ZNF862: variants seen among roughly 807,000 people sequenced by gnomAD.
The protein encoded by ZNF862 is zinc finger protein 862.
A neutral mutation model predicts 91.1 loss-of-function variants in ZNF862; 64 were observed. The ratio of observed to expected loss-of-function variants is 0.70; its 90% CI spans 0.57 to 0.87. ZNF862 has a LOEUF of 0.87. ZNF862 is among the 40% of genes least tolerant of loss of function. ZNF862 has a pLI of 0.00. For synonymous variants in ZNF862, 631 were observed against 618.1 expected, an observed-to-expected ratio of 1.02 and a Z score of -0.31; for missense variants, 1,459 against 1,528.0, an observed-to-expected ratio of 0.95 and a Z score of 0.75.
chr7:149,840,426 G>A (rs971347310), intron 1 of ZNF862, among the ~76,000 whole-genome samples: 1 of 152,156 alleles, frequency 6.6e-6, no homozygotes, highest in East Asian at 1.9e-4. Context: ...AATAAGCTAG[G>A]GTTAATTTAT....
At chr7:149,843,260 T>C (rs561637247) in intron 1 of ZNF862, among the ~76,000 whole-genome samples, 4 of 152,362 alleles carry the variant, frequency 2.6e-5, no homozygotes, top group African/African-American at 9.6e-5. Context: ...AAAATCGATA[T>C]TCCACCTATT....
Position 149,846,211 on chromosome 7 carries a change from T to C in ZNF862, c.197T>C (p.Leu66Pro), listed in dbSNP as rs1801866421. 6.2e-7 allele frequency: 1 copy of C among 1,613,674 alleles called. No individual in the cohort carries two copies. The highest frequency in any genetic ancestry group is 1.7e-5 in the Admixed American group (1 of 59,990). ...TTCGGACGAGGGCCAGAGCCATGGC[T>C]TGGCAGCGTCCAGGGCCAGAGGAGC... ...RKFGRGPEPW[L>P]GSVQGQRSLL... Residue 66 changes from leucine to proline, a missense_variant, in exon 3 of 8, where the codon CTT (leucine) becomes CCT (proline). Transcript: ENST00000223210.
At position 149,844,748 on chromosome 7, in the gene ZNF862, C is replaced by T. The variant is rs933275163; in HGVS notation, c.136+12C>T. On this transcript the variant is annotated intron_variant, in intron 2 of 7. Coordinates refer to ENST00000223210, the MANE Select transcript of ZNF862 (RefSeq NM_001099220.3). Reference sequence around the variant, plus strand: ...GGTGGCACCACTGGGTATGGGTGCCCATCCACATCCCTGCCACTGTCAATT... The same window carrying T: ...GGTGGCACCACTGGGTATGGGTGCCTATCCACATCCCTGCCACTGTCAATT... 6.7e-7 allele frequency: 1 copy of T among 1,502,912 alleles called. No homozygotes were observed. The highest frequency in any genetic ancestry group is 9.1e-7 in the Non-Finnish European group (1 of 1,097,292). The allele number at this position is 1,502,912 out of a possible 1,614,324, so 93.1% of individuals were successfully genotyped here. A position where few individuals can be genotyped will look rare whatever the true frequency, so the allele number is the denominator to read the frequency against.
In ZNF862 at chr7:149,862,550, A is replaced by G. The variant is rs571701051; in HGVS notation, c.3334+56A>G. The stretch of plus-strand genomic sequence containing the variant: ...CAGCCTCATGCTGAGCCAGAGGCCA[A>G]TAAGACAGGACTGCAGGTGCCTGTG... On this transcript the variant is annotated intron_variant, in intron 7 of 7. Coordinates refer to ENST00000223210, the MANE Select transcript of ZNF862 (RefSeq NM_001099220.3). 40 of 1,504,426 alleles carry G rather than the reference A, an allele frequency of 2.7e-5. No individual in the cohort carries two copies. In the East Asian group the frequency reaches 8.2e-4, roughly 31 times the overall value. The allele number at this position is 1,504,426 out of a possible 1,614,324, so 93.2% of individuals were successfully genotyped here. A position where few individuals can be genotyped will look rare whatever the true frequency, so the allele number is the denominator to read the frequency against.
At chr7:149,858,173 C>A (rs1031192264) in intron 5 of ZNF862, among the ~76,000 whole-genome samples, 8 of 152,162 alleles carry the variant, frequency 5.3e-5, no homozygotes, top group African/African-American at 1.9e-4. Flanking sequence ...TTCTGGGATT[C>A]TCTGGTACCA....
chr7:149,846,940 T>TA (rs1354229045), intron 3 of ZNF862, among the ~76,000 whole-genome samples: 1 of 152,254 alleles, frequency 6.6e-6, no homozygotes, highest in Non-Finnish European at 1.5e-5. Context: ...TGACTCTTAC[T>TA]AACAGCTTCA....
intron 5 of ZNF862, among the ~76,000 whole-genome samples, chr7:149,853,795 G>T (rs1262259588): frequency 6.6e-6 from 1 of 151,954 alleles, no homozygotes; most frequent in Non-Finnish European, 1.5e-5. Context: ...AAAATTAGCC[G>T]AGCGTAGTGG....
At position 149,862,233 on chromosome 7, in the gene ZNF862, C is replaced by G. The variant is rs763330572; in HGVS notation, c.3073C>G (p.Leu1025Val). The change falls in exon 7 of 8, where the codon CTC becomes GTC. Residue 1025 changes from leucine (L) to valine (V), a missense_variant. Coordinates refer to ENST00000223210, the MANE Select transcript of ZNF862 (RefSeq NM_001099220.3). ...CTGCCGCTTCCCCCTGCTAAGCAAG[C>G]TCATGGCCGTGGTGGTCTGTGTGCC... The part of the protein sequence containing the change: ...QHCRFPLLSK[L>V]MAVVVCVPIS... 5.3e-5 allele frequency: 86 copies of G among 1,613,802 alleles called. No homozygotes were observed. The highest frequency in any genetic ancestry group is 7.1e-5 in the Non-Finnish European group (84 of 1,179,896).
At chr7:149,840,680 A>G (rs576607461) in intron 1 of ZNF862, among the ~76,000 whole-genome samples, 3 of 141,374 alleles carry the variant, frequency 2.1e-5, no homozygotes, top group South Asian at 2.2e-4. Flanking sequence ...TACCTTTTCT[A>G]TGTTTAGATA....
At chr7:149,842,779 A>G (rs1314195585) in intron 1 of ZNF862, among the ~76,000 whole-genome samples, 1 of 152,214 alleles carries the variant, frequency 6.6e-6, no homozygotes, top group Non-Finnish European at 1.5e-5. Context: ...GTCATCCTGA[A>G]TCTGCCTTCA....
At position 149,838,386 on chromosome 7, in the gene ZNF862, A is replaced by G; in HGVS notation, c.-226A>G. Reference sequence around the variant, plus strand: ...GCCTGGGGCTGGGCAGTGACCGTAAAGCTGTTCGCTCGGTGCGACGCAAGT... The same window carrying G: ...GCCTGGGGCTGGGCAGTGACCGTAAGGCTGTTCGCTCGGTGCGACGCAAGT... On this transcript the variant is annotated 5_prime_UTR_variant, in exon 1 of 8. Coordinates refer to ENST00000223210, the MANE Select transcript of ZNF862 (RefSeq NM_001099220.3). 1 of 395,068 alleles carries G rather than the reference A, an allele frequency of 2.5e-6. No homozygotes were observed. The highest frequency in any genetic ancestry group is 4.5e-6 in the Non-Finnish European group (1 of 224,322). The allele number at this position is 395,068 out of a possible 1,614,324, so 24.5% of individuals were successfully genotyped here.
chr7:149,843,703 G>A (rs1388334041), intron 1 of ZNF862, among the ~76,000 whole-genome samples: 1 of 152,182 alleles, frequency 6.6e-6, no homozygotes, highest in Non-Finnish European at 1.5e-5. Flanking sequence ...GAGGGAGGAC[G>A]GGCTTATCAG....
chr7:149,853,639 T>G (rs1802148669), intron 5 of ZNF862, among the ~76,000 whole-genome samples: 1 of 152,148 alleles, frequency 6.6e-6, no homozygotes, highest in Admixed American at 6.5e-5. Context: ...TTTTCAATTA[T>G]TCTTTAAAAA....
In ZNF862 at chr7:149,864,124, A is replaced by G. The variant is rs1354917361; in HGVS notation, c.3350A>G (p.Lys1117Arg). ...TCCCTCACAGGCGCCAGGCTCAGGA[A>G]GGAGGAGATGGGAGCCCTCTATGTG... ...ARSPASARLR[K>R]EEMGALYVEE... is the part of the protein sequence containing the mutation. The change falls in exon 8 of 8, where the codon AAG becomes AGG. Residue 1117 changes from lysine to arginine, a missense_variant. Lys to Arg is a conservative substitution (Grantham distance 26). Transcript: ENST00000223210. 2 of 1,585,534 alleles carry G rather than the reference A, an allele frequency of 1.3e-6. No individual in the cohort carries two copies. The highest frequency in any genetic ancestry group is 2.3e-5 in the East Asian group (1 of 43,466).
At chr7:149,838,735 G>A in intron 1 of ZNF862, 100 bp downstream of exon 1, 2 of 788,844 alleles carry the variant, frequency 2.5e-6, no homozygotes, top group Non-Finnish European at 1.7e-6. Flanking sequence ...CCGCAGATGA[G>A]CCAGGCTTGC....
At position 149,864,202 on chromosome 7, in the gene ZNF862, A is replaced by G; in HGVS notation, c.3428A>G (p.Glu1143Gly). The G allele has an allele frequency of 6.3e-7, 1 of 1,598,664 alleles. No homozygotes were observed. Among genetic ancestry groups the G allele is most frequent in the Non-Finnish European group, 8.5e-7 (1 of 1,173,028 alleles). ...ATCCTGCCCTCCAGGGAAGCAGCGGAGGTTCTGAAGGACTGCATCATGGAG... is the reference window on the plus strand; with the variant it reads ...ATCCTGCCCTCCAGGGAAGCAGCGGGGGTTCTGAAGGACTGCATCATGGAG... Reference protein sequence around the residue: ...PPILPSREAAEVLKDCIMEPP... With the variant: ...PPILPSREAAGVLKDCIMEPP... Residue 1143 changes from glutamate to glycine, a missense_variant, in exon 8 of 8, where the codon GAG (glutamate) becomes GGG (glycine). Glu to Gly is a moderately conservative substitution (Grantham distance 98). Coordinates refer to ENST00000223210, the MANE Select transcript of ZNF862 (RefSeq NM_001099220.3).
At chr7:149,863,449 C>CAA (rs1340847951) in intron 7 of ZNF862, among the ~76,000 whole-genome samples, 1 of 152,142 alleles carries the variant, frequency 6.6e-6, no homozygotes, top group East Asian at 1.9e-4. Context: ...TCATGGCTGA[C>CAA]AGAGGCTCTG....
intron 1 of ZNF862, chr7:149,841,324 A>G (rs1356619776): frequency 1.0e-6 from 1 of 985,412 alleles, no homozygotes; most frequent in Non-Finnish European, 1.2e-6. Context: ...GGGCCATTGG[A>G]TTGATATCCC....
At chr7:149,854,119 C>T (rs2128939133) in intron 5 of ZNF862, among the ~76,000 whole-genome samples, 1 of 152,278 alleles carries the variant, frequency 6.6e-6, no homozygotes, top group African/African-American at 2.4e-5. Flanking sequence ...AAAACAATTG[C>T]ATCCTCCCGT....
Sources: allele counts gnomAD v4.1 joint callset (sites outside exome capture counted in the v4.1 genomes callset), GRCh38; gene constraint gnomAD v4.1.1; transcripts MANE v1.5; gene names NCBI Gene and HGNC (gene_info 2026-07-23, HGNC 2026-07-21).